FAT3: variants seen among roughly 807,000 people sequenced by gnomAD.
The protein encoded by FAT3 is FAT atypical cadherin 3, also known as protocadherin Fat 3.
A neutral mutation model predicts 310.2 loss-of-function variants in FAT3; 95 were observed. That is an observed-to-expected ratio of 0.31 (90% CI 0.26 to 0.36). The LOEUF (loss-of-function observed/expected upper bound fraction) is 0.36. Among genes scored for constraint, FAT3 ranks in the 10% least tolerant of loss-of-function variants. FAT3 has a pLI of 1.00. For missense variants in FAT3, 5,408 were observed against 5,715.6 expected (o/e 0.95, Z 1.74); for synonymous variants, 2,314 against 2,192.9 (o/e 1.06, Z -1.54).
chr11:92,705,382 G>T (rs1591628996), intron 4 of FAT3, among the ~76,000 whole-genome samples: 1 of 137,708 alleles, frequency 7.3e-6, no homozygotes, highest in Non-Finnish European at 1.6e-5. Context: ...GATGGTGTTG[G>T]TGGTGGTGGT....
intron 2 of FAT3, among the ~76,000 whole-genome samples, chr11:92,370,474 C>T (rs933386071): frequency 1.3e-5 from 2 of 152,080 alleles, no homozygotes; most frequent in African/African-American, 4.8e-5. Flanking sequence ...CACATCTCTC[C>T]CCGATACTGG....
Position 92,801,590 on chromosome 11 carries a change from C to T in FAT3, c.8577C>T (p.Pro2859=), listed in dbSNP as rs772941815. The stretch of plus-strand genomic sequence containing the variant: ...ACTCCCTCCACTCGGATTCCCAGCC[C>T]GAAAAGGTAATGGAAGCATTCAATA... The part of the protein sequence containing the change: ...VTYSLHSDSQ[P]EKVMEAFNID... The change falls in exon 10 of 28, where the codon CCC becomes CCT. Residue 2859 remains proline, a synonymous_variant. Transcript: ENST00000525166. The T allele has an allele frequency of 1.3e-5, 21 of 1,611,256 alleles. No homozygotes were observed. The highest frequency in any genetic ancestry group is 1.6e-4 in the Middle Eastern group (1 of 6,080).
intron 3 of FAT3, among the ~76,000 whole-genome samples, chr11:92,663,835 T>C (rs1375406212): frequency 1.3e-5 from 2 of 152,216 alleles, no homozygotes; most frequent in Non-Finnish European, 2.9e-5. Flanking sequence ...TTCATGTGAC[T>C]GCCAGTTATT....
chr11:92,545,679 GA>G (rs1300921447), intron 3 of FAT3, among the ~76,000 whole-genome samples: 2 of 152,182 alleles, frequency 1.3e-5, no homozygotes, highest in African/African-American at 4.8e-5. Flanking sequence ...CTCAAGGGTA[GA>G]AAAGGCAAGG....
At chr11:92,568,286 T>C (rs1000871274) in intron 3 of FAT3, among the ~76,000 whole-genome samples, 6 of 152,148 alleles carry the variant, frequency 3.9e-5, no homozygotes, top group African/African-American at 1.4e-4. Context: ...ATGTTACTGG[T>C]ATTAATATGC....
chr11:92,653,447 G>A (rs1325099977), intron 3 of FAT3, among the ~76,000 whole-genome samples: 1 of 152,132 alleles, frequency 6.6e-6, no homozygotes, highest in African/African-American at 2.4e-5. Context: ...AGCTCCTTGA[G>A]ATGGGGCCTG....
chr11:92,613,660 G>T, intron 3 of FAT3, among the ~76,000 whole-genome samples: 1 of 152,168 alleles, frequency 6.6e-6, no homozygotes, highest in East Asian at 1.9e-4. Context: ...AAATGAGGAA[G>T]CTGAATCCCT....
At chr11:92,733,666 G>A (rs925815619) in intron 4 of FAT3, among the ~76,000 whole-genome samples, 12 of 152,072 alleles carry the variant, frequency 7.9e-5, no homozygotes, top group Non-Finnish European at 1.3e-4. Context: ...AGGTTGAAAG[G>A]CCGATGTGAC....
chr11:92,476,910 G>A (rs1952065665), intron 2 of FAT3, among the ~76,000 whole-genome samples: 1 of 152,112 alleles, frequency 6.6e-6, no homozygotes, highest in Admixed American at 6.5e-5. Flanking sequence ...TTGCATATTT[G>A]TTCTTCCACC....
At chr11:92,229,509 T>TTTTTTTTTTTTTTTTTTTTTC (rs1864075465) in intron 1 of FAT3, among the ~76,000 whole-genome samples, 1 of 99,440 alleles carries the variant, frequency 1.0e-5, no homozygotes, top group Non-Finnish European at 2.1e-5. Context: ...TTTTTTTTGT[T>TTTTTTTTTTTTTTTTTTTTTC]TTTTGTTTTT....
chr11:92,277,871 A>T (rs1187161), intron 1 of FAT3, among the ~76,000 whole-genome samples: 108,375 of 148,658 alleles, frequency 0.73, 39,221 homozygotes, highest in African/African-American at 0.81. Context: ...TTTTTTTTTT[A>T]AAAAAAAAAG....
intron 4 of FAT3, among the ~76,000 whole-genome samples, chr11:92,754,431 C>A (rs187125390): frequency 6.6e-6 from 1 of 151,462 alleles, no homozygotes; most frequent in African/African-American, 2.4e-5. Flanking sequence ...CGAGACCATC[C>A]TGGCTAACAC....
intron 2 of FAT3, among the ~76,000 whole-genome samples, chr11:92,395,896 A>T (rs1266465492): frequency 6.6e-6 from 1 of 151,954 alleles, no homozygotes; most frequent in East Asian, 1.9e-4. Flanking sequence ...ACCATTTTTG[A>T]TGTCTTCCTT....
intron 6 of FAT3, 122 bp downstream of exon 6, chr11:92,765,211 T>C: frequency 3.4e-6 from 3 of 876,226 alleles, no homozygotes; most frequent in Non-Finnish European, 5.1e-6. Context: ...AAAAGATGTA[T>C]AGTGCTGGAA....
At chr11:92,716,704 A>G (rs1395175109) in intron 4 of FAT3, among the ~76,000 whole-genome samples, 1 of 152,126 alleles carries the variant, frequency 6.6e-6, no homozygotes, top group African/African-American at 2.4e-5. Flanking sequence ...GGATTAGGCA[A>G]TTCACTCACC....
intron 1 of FAT3, among the ~76,000 whole-genome samples, chr11:92,346,340 C>A (rs1948419422): frequency 6.6e-6 from 1 of 152,110 alleles, no homozygotes; most frequent in South Asian, 2.1e-4. Flanking sequence ...GAGTAGTTCC[C>A]TAACGCAGCT....
intron 3 of FAT3, among the ~76,000 whole-genome samples, chr11:92,594,997 ATGTGTGTGTGTG>A (rs56275316): frequency 1.3e-5 from 2 of 149,228 alleles, no homozygotes; most frequent in Non-Finnish European, 1.5e-5. Context: ...TCATGAATAA[ATGTGTGTGTGTG>A]TGTGTGTGTG....
At chr11:92,365,638 A>G (rs577858492) in intron 2 of FAT3, among the ~76,000 whole-genome samples, 1 of 152,358 alleles carries the variant, frequency 6.6e-6, no homozygotes, top group East Asian at 1.9e-4. Context: ...AGTTATGCTC[A>G]AATGAACACT....
At chr11:92,326,651 A>T (rs1947775733) in intron 1 of FAT3, among the ~76,000 whole-genome samples, 1 of 152,246 alleles carries the variant, frequency 6.6e-6, no homozygotes. Context: ...ACCAAAGGGC[A>T]TCCAAATAAA....
Sources: gnomAD v4.1 joint callset for allele counts (sites outside exome capture counted in the v4.1 genomes callset) on GRCh38, gnomAD v4.1.1 for gene constraint, MANE v1.5 for transcripts, NCBI Gene and HGNC (gene_info 2026-07-23, HGNC 2026-07-21) for gene names.